Variants in KCNQ5 observed in about 807,000 individuals in gnomAD.
KCNQ5 encodes potassium voltage-gated channel subfamily Q member 5.
KCNQ5 carries 30 observed loss-of-function variants against 98.2 expected under a neutral mutation model. The ratio of observed to expected loss-of-function variants is 0.31; its 90% CI spans 0.23 to 0.41. The LOEUF (loss-of-function observed/expected upper bound fraction) is 0.41. Ranked by LOEUF, KCNQ5 falls within the 10% of genes least tolerant of loss-of-function variation. The pLI is 1.00. For missense variants in KCNQ5, 835 were observed against 1,182.5 expected (o/e 0.71, Z 4.31); for synonymous variants, 458 against 449.4 (o/e 1.02, Z -0.24).
rs1776140821 is a variant in KCNQ5, at chr6:73,129,682, T to A, written c.1248-3739T>A. 3 of 806,542 alleles carry A rather than the reference T, an allele frequency of 3.7e-6. No individual in the cohort carries two copies. In the African/African-American group the frequency reaches 5.2e-5, roughly 14 times the overall value. The allele number at this position is 806,542 out of a possible 1,614,324, so 50.0% of individuals were successfully genotyped here. On this transcript the variant is annotated intron_variant, in intron 9 of 13. Transcript: ENST00000370398. Reference sequence around the variant, plus strand: ...TCTGCTTAAATAGTCTGTGTACTTCTATATTAAAAACAATAAAGCCAAATG... The same window carrying A: ...TCTGCTTAAATAGTCTGTGTACTTCAATATTAAAAACAATAAAGCCAAATG...
At chr6:72,934,456 A>G (rs983828656) in intron 1 of KCNQ5, among the ~76,000 whole-genome samples, 2 of 152,188 alleles carry the variant, frequency 1.3e-5, no homozygotes, top group African/African-American at 4.8e-5. Flanking sequence ...TCCTACATTT[A>G]TAAGTGTAGC....
At chr6:72,884,856 G>A (rs1450733554) in intron 1 of KCNQ5, among the ~76,000 whole-genome samples, 1 of 152,058 alleles carries the variant, frequency 6.6e-6, no homozygotes, top group African/African-American at 2.4e-5. Context: ...GAGCTCAAGC[G>A]ATTCATCCAC....
chr6:72,777,759 G>C (rs1027973859), intron 1 of KCNQ5, among the ~76,000 whole-genome samples: 3 of 152,124 alleles, frequency 2.0e-5, no homozygotes, highest in African/African-American at 7.2e-5. Flanking sequence ...TTTACTCCTA[G>C]GCTACAGAGC....
intron 1 of KCNQ5, among the ~76,000 whole-genome samples, chr6:72,666,082 A>C (rs971526992): frequency 2.6e-5 from 4 of 152,178 alleles, no homozygotes; most frequent in Non-Finnish European, 5.9e-5. Context: ...AATAGGAGTA[A>C]TTTCATAGCT....
chr6:73,149,093 T>C (rs1432358506), intron 10 of KCNQ5, among the ~76,000 whole-genome samples: 1 of 152,188 alleles, frequency 6.6e-6, no homozygotes, highest in East Asian at 1.9e-4. Flanking sequence ...ACCATGCTTT[T>C]CAAGCTATGG....
intron 1 of KCNQ5, among the ~76,000 whole-genome samples, chr6:72,710,099 T>A (rs1769288976): frequency 6.6e-6 from 1 of 152,144 alleles, no homozygotes; most frequent in East Asian, 1.9e-4. Context: ...AAAGGCCTGG[T>A]CTTCTACATG....
rs933885701 is a variant in KCNQ5, at chr6:72,622,226, G to A, written c.37G>A (p.Ala13Thr). Residue 13 changes from alanine to threonine, a missense_variant, in exon 1 of 14, where the codon GCC (alanine) becomes ACC (threonine). Coordinates refer to ENST00000370398, the MANE Select transcript of KCNQ5 (RefSeq NM_019842.4). The surrounding 1 kb of genome is among the most constrained non-coding windows in gnomAD (Gnocchi z 6.0). ...CCACGCGGGAGGAGAGGAGGGCGGCGCCGCCGGGCTCTGGGTGAAGAGCGG... is the reference window on the plus strand; with the variant it reads ...CCACGCGGGAGGAGAGGAGGGCGGCACCGCCGGGCTCTGGGTGAAGAGCGG... ...RHHAGGEEGG[A>T]AGLWVKSGAA... The A allele has an allele frequency of 5.2e-5, 64 of 1,234,360 alleles. No individual in the cohort carries two copies. Among genetic ancestry groups the A allele is most frequent in the Non-Finnish European group, 6.2e-5 (61 of 990,320 alleles). The allele number at this position is 1,234,360 out of a possible 1,614,324, so 76.5% of individuals were successfully genotyped here.
At position 73,195,340 on chromosome 6, in the gene KCNQ5, C is replaced by T. The variant is rs776643693; in HGVS notation, c.2725C>T (p.Arg909Ter). 3.7e-6 allele frequency: 6 copies of T among 1,614,030 alleles called. No homozygotes were observed. The highest frequency in any genetic ancestry group is 4.2e-6 in the Non-Finnish European group (5 of 1,180,048). ...ASDSLRTGRS[R>*]SSQSICKAGE... is the part of the protein sequence containing the mutation. Reference sequence around the variant, plus strand: ...AGACTCTCTAAGGACTGGAAGGTCACGATCATCTCAGAGCATTTGTAAGGC... The same window carrying T: ...AGACTCTCTAAGGACTGGAAGGTCATGATCATCTCAGAGCATTTGTAAGGC... The change falls in exon 14 of 14, where the codon CGA becomes TGA. Residue 909 changes from arginine (R) to a stop codon, truncating the protein, a stop_gained. Transcript: ENST00000370398. LOFTEE classifies it high-confidence loss of function.
chr6:72,957,011 G>T (rs1582086563), intron 1 of KCNQ5, among the ~76,000 whole-genome samples: 1 of 152,166 alleles, frequency 6.6e-6, no homozygotes, highest in African/African-American at 2.4e-5. Flanking sequence ...GCATTACAGT[G>T]CCCAGACACT....
chr6:72,695,537 T>C (rs1768443045), intron 1 of KCNQ5, among the ~76,000 whole-genome samples: 1 of 152,184 alleles, frequency 6.6e-6, no homozygotes, highest in South Asian at 2.1e-4. Flanking sequence ...AATGTTATTA[T>C]CTTTAAATGT....
At chr6:72,731,605 A>G (rs990594954) in intron 1 of KCNQ5, among the ~76,000 whole-genome samples, 1 of 152,172 alleles carries the variant, frequency 6.6e-6, no homozygotes. Flanking sequence ...TCTCACCAAC[A>G]TGCACATTTC....
chr6:72,783,988 A>G (rs978385793), intron 1 of KCNQ5, among the ~76,000 whole-genome samples: 3 of 152,148 alleles, frequency 2.0e-5, no homozygotes, highest in Admixed American at 2.0e-4. Flanking sequence ...GAACTGAAAT[A>G]TGTTCTCTAA....
At chr6:72,707,900 A>T (rs1022857068) in intron 1 of KCNQ5, among the ~76,000 whole-genome samples, 1 of 152,014 alleles carries the variant, frequency 6.6e-6, no homozygotes, top group Non-Finnish European at 1.5e-5. Flanking sequence ...TTGCAGGCTG[A>T]TCTCGAACTC....
At chr6:73,184,918 AC>A (rs1484438699) in intron 11 of KCNQ5, among the ~76,000 whole-genome samples, 2 of 152,120 alleles carry the variant, frequency 1.3e-5, no homozygotes, top group Non-Finnish European at 2.9e-5. Context: ...ACCATTCACT[AC>A]CCTCTTCCTT....
At chr6:73,112,796 TGGTTCA>T (rs1775306533) in intron 7 of KCNQ5, among the ~76,000 whole-genome samples, 2 of 152,172 alleles carry the variant, frequency 1.3e-5, no homozygotes, top group African/African-American at 4.8e-5. Flanking sequence ...GGGGGCAGTA[TGGTTCA>T]GTTATATCAT....
intron 11 of KCNQ5, among the ~76,000 whole-genome samples, chr6:73,174,561 G>A (rs1778142900): frequency 6.6e-6 from 1 of 152,158 alleles, no homozygotes; most frequent in African/African-American, 2.4e-5. Context: ...AAGGTCCAGG[G>A]TGAAAACTCA....
intron 1 of KCNQ5, among the ~76,000 whole-genome samples, chr6:72,891,162 A>T (rs1779043077): frequency 6.6e-6 from 1 of 152,210 alleles, no homozygotes; most frequent in Non-Finnish European, 1.5e-5. Flanking sequence ...GCTCACCAAT[A>T]ACAAATCACA....
chr6:72,763,109 T>C (rs539394076), intron 1 of KCNQ5, among the ~76,000 whole-genome samples: 2 of 152,172 alleles, frequency 1.3e-5, no homozygotes, highest in Admixed American at 1.3e-4. Context: ...GCATCACTTA[T>C]TTATTACAAA....
At chr6:73,097,710 G>A (rs114433483) in intron 5 of KCNQ5, among the ~76,000 whole-genome samples, 337 of 152,268 alleles carry the variant, frequency 2.2e-3, no homozygotes, top group African/African-American at 7.7e-3. Flanking sequence ...AAGAGAACAA[G>A]AGTTTTTGCC....
Sources: gnomAD v4.1 joint callset for allele counts (sites outside exome capture counted in the v4.1 genomes callset) on GRCh38, gnomAD v4.1.1 for gene constraint, Gnocchi (gnomAD v3.1) non-coding constraint, MANE v1.5 for transcripts, NCBI Gene and HGNC (gene_info 2026-07-23, HGNC 2026-07-21) for gene names.